Variants in PACRGL observed in about 807,000 individuals in gnomAD.
The protein encoded by PACRGL is parkin coregulated like, also known as PACRG-like protein.
In PACRGL, 38 loss-of-function variants were observed where a neutral mutation model predicts 34.5. The ratio of observed to expected loss-of-function variants is 1.10; its 90% CI spans 0.85 to 1.44. PACRGL has a LOEUF of 1.44. Ranked by LOEUF, PACRGL falls within the 40% of genes most tolerant of loss-of-function variation. PACRGL has a pLI of 0.00. For missense variants in PACRGL, 305 were observed against 281.4 expected (o/e 1.08, Z -0.60); for synonymous variants, 128 against 100.1 (o/e 1.28, Z -1.66).
chr4:20,737,667 G>A (rs1439300046), intron 8 of PACRGL, among the ~76,000 whole-genome samples: 6 of 152,204 alleles, frequency 3.9e-5, no homozygotes, highest in Admixed American at 2.6e-4. Context: ...TCTGAGGTTT[G>A]AGGAGAGAGG....
Position 20,724,990 on chromosome 4 carries a change from C to T in PACRGL, c.690+102C>T, listed in dbSNP as rs150742919. On this transcript the variant is annotated intron_variant, in intron 8 of 8. Coordinates refer to ENST00000503585, the MANE Select transcript of PACRGL (RefSeq NM_001258345.3). ...AACATATACTATCTCATTTCAGCCA[C>T]AGGTAACTATGTGAAATTGATGCTG... 7.9e-4 allele frequency: 484 copies of T among 615,928 alleles called. 4 individuals carry two copies. The East Asian group carries it at 0.016, about 21-fold the overall frequency. 38.2% of individuals were successfully genotyped at this position (615,928 alleles called of 1,614,324 possible).
upstream of PACRGL, among the ~76,000 whole-genome samples, chr4:20,697,658 T>TA (rs1174277240): frequency 2.6e-5 from 4 of 152,192 alleles, no homozygotes; most frequent in Admixed American, 6.5e-5. Context: ...TATAGTGAAA[T>TA]ACCGTACATT....
chr4:20,751,118 C>CACA (rs1560434578), intron 8 of PACRGL, among the ~76,000 whole-genome samples: 1 of 152,124 alleles, frequency 6.6e-6, no homozygotes, highest in African/African-American at 2.4e-5. Context: ...GTAGACTGTA[C>CACA]ACTCAATTTC....
chr4:20,748,582 ATATATATATATATATATATATATTC>A (rs1752911419), intron 8 of PACRGL, among the ~76,000 whole-genome samples: 1 of 94,114 alleles, frequency 1.1e-5, no homozygotes. Flanking sequence ...ATATATATAT[ATATATATATATATATATATATATTC>A]CATAAGTAAA....
chr4:20,699,184 G>A (rs1302386535), upstream of PACRGL, among the ~76,000 whole-genome samples: 2 of 152,052 alleles, frequency 1.3e-5, no homozygotes, highest in East Asian at 3.9e-4. Flanking sequence ...GGAGATGAGA[G>A]ATTATAAAGT....
chr4:20,743,005 A>G (rs1048202729), intron 8 of PACRGL, among the ~76,000 whole-genome samples: 1 of 142,522 alleles, frequency 7.0e-6, no homozygotes, highest in Admixed American at 6.8e-5. Flanking sequence ...TCCAACTTAT[A>G]TGGGATGTGA....
At chr4:20,724,004 C>A (rs534908171) in intron 7 of PACRGL, among the ~76,000 whole-genome samples, 1 of 152,186 alleles carries the variant, frequency 6.6e-6, no homozygotes, top group Admixed American at 6.5e-5. Flanking sequence ...TTATAGACTT[C>A]TACATTAGAA....
Position 20,726,661 on chromosome 4 carries a change from TTGGG to T in PACRGL, c.691-623_691-620del, listed in dbSNP as rs58834387. ...GTTCTCAGTTGTGGTTTCTCATTTC[TTGGG>T]ACTTGTGTATATCAATGATGGAACT... On this transcript the variant is annotated intron_variant, in intron 8 of 8. Coordinates refer to ENST00000503585, the MANE Select transcript of PACRGL (RefSeq NM_001258345.3). 2.3e-3 allele frequency among the ~76,000 whole-genome samples: 357 copies of T among 152,304 alleles called. 1 individual carries two copies. Among genetic ancestry groups the T allele is most frequent in the African/African-American group, 8.3e-3 (345 of 41,572 alleles).
chr4:20,723,948 C>T lies in PACRGL; in HGVS notation c.610-860C>T, dbSNP rs1257474765. Among the ~76,000 whole-genome samples, 3 of 152,164 alleles carry T rather than the reference C, an allele frequency of 2.0e-5. No homozygotes were observed. In the East Asian group the frequency reaches 5.8e-4, roughly 29 times the overall value. On this transcript the variant is annotated intron_variant, in intron 7 of 8. Transcript: ENST00000503585. ...ATCGGATCCCCTTCGTCCCTCACCCCCATCTTCCATACATTTCAGCCTCAA... is the reference window on the plus strand; with the variant it reads ...ATCGGATCCCCTTCGTCCCTCACCCTCATCTTCCATACATTTCAGCCTCAA...
chr4:20,740,448 C>A (rs897746160), intron 8 of PACRGL, among the ~76,000 whole-genome samples: 3 of 152,116 alleles, frequency 2.0e-5, no homozygotes. Context: ...GAATTTTCAA[C>A]CCAGAATTTC....
chr4:20,697,365 T>G (rs1461336351), upstream of PACRGL, among the ~76,000 whole-genome samples: 1 of 152,090 alleles, frequency 6.6e-6, no homozygotes, highest in African/African-American at 2.4e-5. Flanking sequence ...GTGACTTAAA[T>G]GTAAGTAAAT....
intron 7 of PACRGL, among the ~76,000 whole-genome samples, chr4:20,716,478 C>T (rs904912414): frequency 2.0e-5 from 3 of 152,172 alleles, no homozygotes; most frequent in Non-Finnish European, 4.4e-5. Context: ...AGGTATATCT[C>T]CTAATGGTAT....
downstream of PACRGL, chr4:20,732,645 A>C (rs1348448780): frequency 1.4e-6 from 2 of 1,381,154 alleles, no homozygotes; most frequent in African/African-American, 2.9e-5. Context: ...TTTTCTCCTA[A>C]CTTCATGCCC....
At chr4:20,740,384 G>A (rs1750772655) in intron 8 of PACRGL, among the ~76,000 whole-genome samples, 1 of 152,138 alleles carries the variant, frequency 6.6e-6, no homozygotes, top group Admixed American at 6.5e-5. Context: ...GGAACTCTCG[G>A]CAGAAACTTT....
At chr4:20,721,059 C>T (rs1175808252) in intron 7 of PACRGL, among the ~76,000 whole-genome samples, 1 of 152,174 alleles carries the variant, frequency 6.6e-6, no homozygotes, top group Non-Finnish European at 1.5e-5. Context: ...TCACTTCTCG[C>T]TTCATTTCAT....
At position 20,705,083 on chromosome 4, in the gene PACRGL, C is replaced by T. The variant is rs1397467689; in HGVS notation, c.207+269C>T. On this transcript the variant is annotated intron_variant, in intron 3 of 8. Transcript: ENST00000503585. ...GCACTTTAGCTTTAGATTTTATTTG[C>T]AGTGTTGTTTTACTTCCCCATATCA... Among the ~76,000 whole-genome samples, 4 of 152,244 alleles carry T rather than the reference C, an allele frequency of 2.6e-5. No homozygotes were observed. In the South Asian group the frequency reaches 6.2e-4, roughly 24 times the overall value.
chr4:20,710,501 G>A (rs1419412814), intron 5 of PACRGL, among the ~76,000 whole-genome samples: 1 of 152,154 alleles, frequency 6.6e-6, no homozygotes, highest in Non-Finnish European at 1.5e-5. Context: ...AGAAACAAAT[G>A]ATTAGAGTTT....
intron 1 of PACRGL, among the ~76,000 whole-genome samples, chr4:20,702,942 G>C (rs1414256379): frequency 6.6e-6 from 1 of 152,198 alleles, no homozygotes; most frequent in Non-Finnish European, 1.5e-5. Flanking sequence ...AAATTATTCA[G>C]TGTGCAGAAG....
At chr4:20,734,612 G>A (rs762286804), downstream of PACRGL, 3 of 1,095,390 alleles carry the variant, frequency 2.7e-6, no homozygotes, top group South Asian at 1.7e-5. Flanking sequence ...TGTGATGTTG[G>A]TGAGGCATCC....
Sources: gnomAD v4.1 joint callset for allele counts (sites outside exome capture counted in the v4.1 genomes callset) on GRCh38, gnomAD v4.1.1 for gene constraint, MANE v1.5 for transcripts, NCBI Gene and HGNC (gene_info 2026-07-23, HGNC 2026-07-21) for gene names.